The following PTPRD variants were observed in gnomAD, a reference collection of about 807,000 sequenced individuals.
PTPRD encodes the protein receptor-type tyrosine-protein phosphatase delta.
Under a neutral mutation model 214.5 loss-of-function variants are expected in PTPRD, and 34 were observed. The ratio of observed to expected loss-of-function variants is 0.16; its 90% CI spans 0.12 to 0.21. The LOEUF (loss-of-function observed/expected upper bound fraction) is 0.21, where lower values mean the gene tolerates loss of function less well. PTPRD is among the 10% of genes least tolerant of loss of function. The pLI is 1.00. For missense variants in PTPRD, 2,545 were observed against 2,398.7 expected, an observed-to-expected ratio of 1.06 and a Z score of -1.27; for synonymous variants, 1,128 against 845.7, an observed-to-expected ratio of 1.33 and a Z score of -5.79.
At chr9:9,333,207 G>A (rs2136703865) in intron 9 of PTPRD, among the ~76,000 whole-genome samples, 2 of 151,848 alleles carry the variant, frequency 1.3e-5, no homozygotes, top group Admixed American at 1.3e-4. Flanking sequence ...AAGATCAGTG[G>A]GGCTGAAATA....
At chr9:9,354,527 T>C (rs1050645888) in intron 9 of PTPRD, among the ~76,000 whole-genome samples, 1 of 151,844 alleles carries the variant, frequency 6.6e-6, no homozygotes, top group Non-Finnish European at 1.5e-5. Context: ...CCTACATTTT[T>C]TTTTGTGGTA....
At chr9:9,522,727 TTAAAA>T (rs1479633909) in intron 8 of PTPRD, among the ~76,000 whole-genome samples, 1 of 152,208 alleles carries the variant, frequency 6.6e-6, no homozygotes. Context: ...AGTAAATTAC[TTAAAA>T]TCAAAATAAA....
At chr9:8,892,784 T>C (rs1051266895) in intron 11 of PTPRD, among the ~76,000 whole-genome samples, 5 of 151,294 alleles carry the variant, frequency 3.3e-5, no homozygotes, top group Non-Finnish European at 7.4e-5. Context: ...AAAGAACCAC[T>C]AGTTCCAAGG....
chr9:10,344,678 C>G (rs2154447071), intron 2 of PTPRD, among the ~76,000 whole-genome samples: 1 of 152,192 alleles, frequency 6.6e-6, no homozygotes, highest in Non-Finnish European at 1.5e-5. Flanking sequence ...GAATGTTCTT[C>G]CATTTGTTTG....
rs147263015 is a variant in PTPRD, at chr9:9,129,116, G to A, written c.-143+54188C>T. ...TATCTAATAACGAATTAGGCCGGGCGCAGTGGCTCACGCCTGTAATCCCAG... is the reference window on the plus strand; with the variant it reads ...TATCTAATAACGAATTAGGCCGGGCACAGTGGCTCACGCCTGTAATCCCAG... On this transcript the variant is annotated intron_variant, in intron 10 of 45. Coordinates refer to ENST00000381196, the MANE Select transcript of PTPRD (RefSeq NM_002839.4). Among the ~76,000 whole-genome samples, 779 of 152,318 alleles carry A rather than the reference G, an allele frequency of 5.1e-3. 7 individuals are homozygous for A. Among genetic ancestry groups the A allele is most frequent in the African/African-American group, 0.018 (737 of 41,580 alleles).
Position 9,970,182 on chromosome 9 carries a change from T to G in PTPRD, c.-471-31572A>C, listed in dbSNP as rs142104128. 3.2e-4 allele frequency among the ~76,000 whole-genome samples: 49 copies of G among 152,148 alleles called. No homozygotes were observed. The East Asian group carries it at 7.2e-3, about 22-fold the overall frequency. Reference sequence around the variant, plus strand: ...AGTCATGAGGTGTCACAGACATGTTTGCATTTTAAAAGAATTACTTTACTT... The same window carrying G: ...AGTCATGAGGTGTCACAGACATGTTGGCATTTTAAAAGAATTACTTTACTT... On this transcript the variant is annotated intron_variant, in intron 4 of 45. Coordinates refer to ENST00000381196, the MANE Select transcript of PTPRD (RefSeq NM_002839.4).
At chr9:9,436,252 C>T (rs116179701) in intron 8 of PTPRD, among the ~76,000 whole-genome samples, 1 of 151,970 alleles carries the variant, frequency 6.6e-6, no homozygotes, top group Non-Finnish European at 1.5e-5. Context: ...AGCTGTGACC[C>T]CCTATTTAAC....
chr9:9,768,695 C>A (rs2098726542), intron 5 of PTPRD, among the ~76,000 whole-genome samples: 1 of 152,010 alleles, frequency 6.6e-6, no homozygotes, highest in Non-Finnish European at 1.5e-5. Flanking sequence ...CCTTAAATGA[C>A]AAGGAAACAA....
At chr9:8,990,811 G>C (rs1589403602) in intron 11 of PTPRD, among the ~76,000 whole-genome samples, 1 of 152,254 alleles carries the variant, frequency 6.6e-6, no homozygotes, top group South Asian at 2.1e-4. Context: ...AATCTGAACA[G>C]AGAAGCCTTT....
At chr9:8,409,207 C>T (rs1157084823) in intron 35 of PTPRD, among the ~76,000 whole-genome samples, 2 of 152,056 alleles carry the variant, frequency 1.3e-5, no homozygotes, top group South Asian at 2.1e-4. Flanking sequence ...GAAGTAGTTG[C>T]CATTATGATT....
In PTPRD at chr9:9,432,431, T is replaced by C. The variant is rs73644722; in HGVS notation, c.-236-34949A>G. Among the ~76,000 whole-genome samples, 994 of 152,330 alleles carry C rather than the reference T, an allele frequency of 6.5e-3. 9 individuals carry two copies. The highest frequency in any genetic ancestry group is 0.021 in the African/African-American group (893 of 41,572). On this transcript the variant is annotated intron_variant, in intron 8 of 45. Coordinates refer to ENST00000381196, the MANE Select transcript of PTPRD (RefSeq NM_002839.4). ...CTTACAATTATTTTTAAAATGCTTCTATAGACACCTGGGTGGATGTACTAT... is the reference window on the plus strand; with the variant it reads ...CTTACAATTATTTTTAAAATGCTTCCATAGACACCTGGGTGGATGTACTAT...
At chr9:10,395,954 T>TGAGAGAGAGAGAGA (rs368100918) in intron 2 of PTPRD, among the ~76,000 whole-genome samples, 22 of 134,376 alleles carry the variant, frequency 1.6e-4, no homozygotes, top group Middle Eastern at 3.8e-3. Context: ...ATAGAGAGAA[T>TGAGAGAGAGAGAGA]GAGAGAGAGA....
chr9:10,544,902 A>C (rs2130818299), intron 2 of PTPRD, among the ~76,000 whole-genome samples: 1 of 152,310 alleles, frequency 6.6e-6, no homozygotes, highest in East Asian at 1.9e-4. Context: ...AAATTTCAGA[A>C]CTCAAATTCT....
intron 5 of PTPRD, among the ~76,000 whole-genome samples, chr9:9,891,088 C>T (rs1601124778): frequency 6.6e-6 from 1 of 152,154 alleles, no homozygotes; most frequent in East Asian, 1.9e-4. Flanking sequence ...GTCATATGGT[C>T]ATGTCTTGGC....
At chr9:10,152,557 G>A (rs1168157303) in intron 3 of PTPRD, among the ~76,000 whole-genome samples, 2 of 152,198 alleles carry the variant, frequency 1.3e-5, no homozygotes, top group South Asian at 2.1e-4. Flanking sequence ...CAGGTGTGGT[G>A]GCTCACGCTT....
rs552200920 is a variant in PTPRD at position 8,634,739 on chromosome 9, G to GT, written c.211-1282_211-1281insA. ...TTATTTATGATCATTTTATGATTTA[G>GT]GTAGGAAAAGGTTAAAGCAACTATA... On this transcript the variant is annotated intron_variant, in intron 13 of 45. Coordinates refer to ENST00000381196, the MANE Select transcript of PTPRD (RefSeq NM_002839.4). Among the ~76,000 whole-genome samples, 184 of 151,874 alleles carry GT rather than the reference G, an allele frequency of 1.2e-3. 2 individuals are homozygous for GT. Among genetic ancestry groups the GT allele is most frequent in the African/African-American group, 4.3e-3 (178 of 41,462 alleles).
chr9:8,342,901 G>GGACTT (rs1853883909), intron 39 of PTPRD, among the ~76,000 whole-genome samples: 1 of 152,102 alleles, frequency 6.6e-6, no homozygotes, highest in Non-Finnish European at 1.5e-5. Context: ...ATTTGAAGTA[G>GGACTT]GACTTGAAGG....
At chr9:8,480,134 A>G (rs377229776) in intron 30 of PTPRD, among the ~76,000 whole-genome samples, 35 of 152,184 alleles carry the variant, frequency 2.3e-4, no homozygotes, top group African/African-American at 8.4e-4. Flanking sequence ...AACAGTGTGT[A>G]TAGAATATAT....
At chr9:8,384,805 C>A (rs919028361) in intron 37 of PTPRD, among the ~76,000 whole-genome samples, 1 of 152,162 alleles carries the variant, frequency 6.6e-6, no homozygotes, top group East Asian at 1.9e-4. Flanking sequence ...AGATTACAGG[C>A]GTGAGCCACC....
Sources: gnomAD v4.1 joint callset for allele counts (sites outside exome capture counted in the v4.1 genomes callset) on GRCh38, gnomAD v4.1.1 for gene constraint, MANE v1.5 for transcripts, NCBI Gene and HGNC (gene_info 2026-07-23, HGNC 2026-07-21) for gene names.